Variants in SIPA1L3 observed in about 807,000 individuals in gnomAD.
The protein encoded by SIPA1L3 is signal induced proliferation associated 1 like 3.
In SIPA1L3, 59 loss-of-function variants were observed where a neutral mutation model predicts 150.1. That is an observed-to-expected ratio of 0.39 (90% CI 0.32 to 0.49). SIPA1L3 has a LOEUF of 0.49. SIPA1L3 is among the 20% of genes least tolerant of loss of function. The probability of loss-of-function intolerance (pLI) is 0.86; values close to 1 mark genes in which losing one functional copy is unlikely to be tolerated. For synonymous variants in SIPA1L3, 1,070 were observed against 1,077.6 expected (o/e 0.99, Z 0.14); for missense variants, 2,211 against 2,489.5 (o/e 0.89, Z 2.38).
intron 1 of SIPA1L3, among the ~76,000 whole-genome samples, chr19:37,986,651 T>C (rs978525987): frequency 1.3e-5 from 2 of 152,238 alleles, no homozygotes; most frequent in African/African-American, 4.8e-5. Context: ...CAGCTTCTTC[T>C]TTTCTTAACC....
intron 18 of SIPA1L3, among the ~76,000 whole-genome samples, chr19:38,195,843 C>T (rs772335764): frequency 2.8e-5 from 4 of 144,748 alleles, no homozygotes; most frequent in African/African-American, 5.0e-5. Flanking sequence ...CCCTACTCAC[C>T]GCCTTGTATC....
At chr19:38,072,415 G>A (rs1405267102) in intron 2 of SIPA1L3, among the ~76,000 whole-genome samples, 1 of 152,180 alleles carries the variant, frequency 6.6e-6, no homozygotes, top group Non-Finnish European at 1.5e-5. Context: ...GTCCAGTGGT[G>A]GGAAATGGAA....
chr19:38,179,321 A>C (rs2146018083), intron 15 of SIPA1L3, among the ~76,000 whole-genome samples: 1 of 152,330 alleles, frequency 6.6e-6, no homozygotes, highest in South Asian at 2.1e-4. Flanking sequence ...ATGCACCCGT[A>C]ATCCCAGCTA....
rs555504653 is a variant in SIPA1L3 at position 38,049,610 on chromosome 19, G to C, written c.-311+20454G>C. On this transcript the variant is annotated intron_variant, in intron 2 of 21. Transcript: ENST00000222345. ...CCATGGGGCTTACCCCCAGGAGTCA[G>C]TTGCAGCCGGAGATAGGCATTCTCT... 9.0e-4 allele frequency among the ~76,000 whole-genome samples: 137 copies of C among 152,278 alleles called. 1 individual carries two copies. Among genetic ancestry groups the C allele is most frequent in the Admixed American group, 8.7e-3 (133 of 15,304 alleles).
rs921201547 is a variant in SIPA1L3 at position 38,083,174 on chromosome 19, C to G, written c.1534+75C>G. ...CCGAGACCCCCACTACTCATTCATT[C>G]ACTCTGTGCCAGGCCCTGCTCTGGC... On this transcript the variant is annotated intron_variant, in intron 3 of 21. Transcript: ENST00000222345. 1.6e-5 allele frequency: 22 copies of G among 1,368,554 alleles called. No individual in the cohort carries two copies. The South Asian group carries it at 2.4e-4, about 15-fold the overall frequency. The allele number at this position is 1,368,554 out of a possible 1,614,324, so 84.8% of individuals were successfully genotyped here.
chr19:38,159,966 C>T (rs1972041256), intron 13 of SIPA1L3, among the ~76,000 whole-genome samples: 1 of 152,100 alleles, frequency 6.6e-6, no homozygotes, highest in South Asian at 2.1e-4. Flanking sequence ...TCTAAATGCC[C>T]TCCACTGGGG....
At chr19:38,095,442 A>AG (rs1461777833) in intron 4 of SIPA1L3, among the ~76,000 whole-genome samples, 1 of 152,164 alleles carries the variant, frequency 6.6e-6, no homozygotes, top group Non-Finnish European at 1.5e-5. Flanking sequence ...CACAGAGTCA[A>AG]GCGGGGAGTA....
chr19:38,050,092 T>C (rs1244974158), intron 2 of SIPA1L3, among the ~76,000 whole-genome samples: 2 of 152,156 alleles, frequency 1.3e-5, no homozygotes, highest in Admixed American at 1.3e-4. Flanking sequence ...AAATATAAAA[T>C]GGAAATAATA....
In SIPA1L3 at chr19:37,956,577, G is replaced by A. The variant is rs543761990; in HGVS notation, c.-379+49219G>A. ...CGGCTCACTGCAATCTCTGCCTCCC[G>A]GGTTCAAGCAATTCTCCTGCCTCAG... On this transcript the variant is annotated intron_variant, in intron 1 of 21. Transcript: ENST00000222345. Among the ~76,000 whole-genome samples, 17 of 141,946 alleles carry A rather than the reference G, an allele frequency of 1.2e-4. No homozygotes were observed. The South Asian group carries it at 3.9e-3, about 32-fold the overall frequency. The allele number at this position is 141,946 out of a possible 152,430, so 93.1% of individuals were successfully genotyped here.
chr19:37,948,494 G>C (rs915327064), intron 1 of SIPA1L3, among the ~76,000 whole-genome samples: 2 of 151,936 alleles, frequency 1.3e-5, no homozygotes, highest in African/African-American at 4.8e-5. Context: ...AAAAAGAAGA[G>C]TGGTTGGCAC....
chr19:38,020,098 C>A lies in SIPA1L3; in HGVS notation c.-378-8991C>A, dbSNP rs138743243. On this transcript the variant is annotated intron_variant, in intron 1 of 21. Coordinates refer to ENST00000222345, the MANE Select transcript of SIPA1L3 (RefSeq NM_015073.3). ...ACAGAGTGAGACCCCGTCTCTCTCT[C>A]TCTATATATAAATAAATAGAATAAT... Among the ~76,000 whole-genome samples the A allele has an allele frequency of 5.3e-3, 801 of 151,834 alleles. 4 individuals are homozygous for A. The highest frequency in any genetic ancestry group is 0.021 in the East Asian group (110 of 5,150).
intron 13 of SIPA1L3, among the ~76,000 whole-genome samples, chr19:38,160,576 A>AT (rs1363846064): frequency 5.3e-5 from 8 of 150,812 alleles, no homozygotes; most frequent in East Asian, 3.9e-4. Flanking sequence ...TATTTTTTGT[A>AT]TTTTTTTTAG....
rs998639320 is a variant in SIPA1L3 at position 38,182,566 on chromosome 19, C to A, written c.4256C>A (p.Ala1419Asp). 7 of 1,614,010 alleles carry A rather than the reference C, an allele frequency of 4.3e-6. No individual in the cohort carries two copies. The highest frequency in any genetic ancestry group is 5.1e-6 in the Non-Finnish European group (6 of 1,179,944). Residue 1419 changes from alanine (A) to aspartate (D), a missense_variant, in exon 16 of 22, where the codon GCC (alanine) becomes GAC (aspartate). Ala to Asp is a moderately radical substitution (Grantham distance 126). Transcript: ENST00000222345. ...VGYPAQVYKT[A>D]SAETPRPSQL... ...TACCCCGCTCAGGTTTACAAAACTG[C>A]CAGTGCAGAGACTCCTCGGCCCTCC... is the stretch of plus-strand genomic sequence containing the variant.
intron 1 of SIPA1L3, among the ~76,000 whole-genome samples, chr19:37,974,152 C>T (rs1048470924): frequency 6.6e-6 from 1 of 152,174 alleles, no homozygotes; most frequent in African/African-American, 2.4e-5. Flanking sequence ...TTTTCATCAA[C>T]CTTATGAGAT....
In SIPA1L3 at chr19:38,193,797, T is replaced by A. The variant is rs1235034386; in HGVS notation, c.4840+17T>A. 1.9e-6 allele frequency: 3 copies of A among 1,550,694 alleles called. No homozygotes were observed. The highest frequency in any genetic ancestry group is 2.3e-4 in the Middle Eastern group (1 of 4,294). On this transcript the variant is annotated intron_variant, in intron 18 of 21. Coordinates refer to ENST00000222345, the MANE Select transcript of SIPA1L3 (RefSeq NM_015073.3). Reference sequence around the variant, plus strand: ...AGAAGAAATGTGAGCCTGGGCCCCCTGGGACTGGCGCGGTAGTTACCCCAA... The same window carrying A: ...AGAAGAAATGTGAGCCTGGGCCCCCAGGGACTGGCGCGGTAGTTACCCCAA...
At chr19:37,968,364 G>T (rs1181344010) in intron 1 of SIPA1L3, among the ~76,000 whole-genome samples, 1 of 152,064 alleles carries the variant, frequency 6.6e-6, no homozygotes, top group Admixed American at 6.6e-5. Flanking sequence ...GAGCCACCGC[G>T]CCCGGCCGGC....
chr19:38,128,948 G>A (rs548340188), intron 9 of SIPA1L3, among the ~76,000 whole-genome samples: 1 of 152,118 alleles, frequency 6.6e-6, no homozygotes, highest in Non-Finnish European at 1.5e-5. Context: ...AAGTATGAAA[G>A]CGGGCATCCT....
intron 2 of SIPA1L3, among the ~76,000 whole-genome samples, chr19:38,059,167 A>T (rs1456593461): frequency 1.4e-5 from 2 of 141,932 alleles, no homozygotes; most frequent in African/African-American, 2.6e-5. Flanking sequence ...TACTCAGCTC[A>T]TTTTTTTTTT....
chr19:38,041,379 A>G (rs1044167434), intron 2 of SIPA1L3, among the ~76,000 whole-genome samples: 6 of 149,850 alleles, frequency 4.0e-5, no homozygotes, highest in African/African-American at 1.5e-4. Context: ...CCCGGGTTCA[A>G]GCGATTCTCC....
Sources: gnomAD v4.1 joint callset for allele counts (sites outside exome capture counted in the v4.1 genomes callset) on GRCh38, gnomAD v4.1.1 for gene constraint, MANE v1.5 for transcripts, NCBI Gene and HGNC (gene_info 2026-07-23, HGNC 2026-07-21) for gene names.